PAPPA: variants seen among roughly 807,000 people sequenced by gnomAD.
PAPPA encodes the protein pappalysin 1.
In PAPPA, 60 loss-of-function variants were observed where a neutral mutation model predicts 164.0. The ratio of observed to expected loss-of-function variants is 0.37; its 90% confidence interval spans 0.30 to 0.45. PAPPA has a LOEUF of 0.45. Among genes scored for constraint, PAPPA ranks in the 20% least tolerant of loss-of-function variants. The probability of loss-of-function intolerance (pLI) is 1.00; values close to 1 mark genes in which losing one functional copy is unlikely to be tolerated. For missense variants in PAPPA, 1,782 were observed against 2,087.3 expected (o/e 0.85, Z 2.85); for synonymous variants, 875 against 814.1 (o/e 1.07, Z -1.27).
chr9:116,231,231 G>C (rs1398302967), intron 6 of PAPPA, among the ~76,000 whole-genome samples: 1 of 152,042 alleles, frequency 6.6e-6, no homozygotes, highest in East Asian at 1.9e-4. Context: ...TTTAATCACT[G>C]TATATACAAA....
At chr9:116,282,841 A>G (rs1279302194) in intron 9 of PAPPA, among the ~76,000 whole-genome samples, 1 of 152,228 alleles carries the variant, frequency 6.6e-6, no homozygotes. Context: ...TCTTTTTAAG[A>G]AACACTGTCT....
At chr9:116,179,706 C>G (rs866625633) in intron 1 of PAPPA, among the ~76,000 whole-genome samples, 12 of 152,210 alleles carry the variant, frequency 7.9e-5, no homozygotes, top group Middle Eastern at 3.4e-3. Flanking sequence ...GGTCTCCCCC[C>G]CGACTGAACC....
Position 116,285,171 on chromosome 9 carries a change from C to CTTTTTTTTTTTTTTTTTTTTTTTT in PAPPA, c.2953+13774_2953+13775insTTTTTTTTTTTTTTTTTTTTTTTT. Among the ~76,000 whole-genome samples the CTTTTTTTTTTTTTTTTTTTTTTTT allele has an allele frequency of 3.2e-4, 29 of 89,478 alleles. 1 individual carries two copies. Among genetic ancestry groups the CTTTTTTTTTTTTTTTTTTTTTTTT allele is most frequent in the East Asian group, 7.1e-4 (2 of 2,832 alleles). 58.7% of individuals were successfully genotyped at this position (89,478 alleles called of 152,430 possible). ...CTTTTTCTTTTTCTTTTCTTTCTTT[C>CTTTTTTTTTTTTTTTTTTTTTTTT]TTTTTTTTTTTTTTTTTTTGACAGA... is the stretch of plus-strand genomic sequence containing the variant. On this transcript the variant is annotated intron_variant, in intron 9 of 21. Transcript: ENST00000328252.
At chr9:116,326,685 T>C (rs1311497529) in intron 10 of PAPPA, among the ~76,000 whole-genome samples, 1 of 152,242 alleles carries the variant, frequency 6.6e-6, no homozygotes, top group African/African-American at 2.4e-5. Flanking sequence ...GTCCTAGAAC[T>C]TATTCATCTT....
chr9:116,363,433 C>A (rs561552542), intron 18 of PAPPA, among the ~76,000 whole-genome samples: 1 of 152,106 alleles, frequency 6.6e-6, no homozygotes, highest in Non-Finnish European at 1.5e-5. Flanking sequence ...CAGGCCAGCT[C>A]GAGAAATACA....
chr9:116,190,404 C>T (rs1273692590), intron 2 of PAPPA, among the ~76,000 whole-genome samples: 1 of 152,206 alleles, frequency 6.6e-6, no homozygotes, highest in African/African-American at 2.4e-5. Flanking sequence ...AGTGGATACC[C>T]TTAGCCCTGT....
chr9:116,361,807 C>T lies in PAPPA; in HGVS notation c.4348-785C>T, dbSNP rs76176638. Among the ~76,000 whole-genome samples, 21 of 152,182 alleles carry T rather than the reference C, an allele frequency of 1.4e-4. 1 individual carries two copies. In the South Asian group the frequency reaches 1.7e-3, roughly 12 times the overall value. The stretch of plus-strand genomic sequence containing the variant: ...CTTCTGCACCCCACAGAGCTGGGCA[C>T]AGATTGGACACTAACGAATCTTACT... On this transcript the variant is annotated intron_variant, in intron 17 of 21. Transcript: ENST00000328252.
intron 1 of PAPPA, among the ~76,000 whole-genome samples, chr9:116,174,985 C>A (rs1165155380): frequency 6.6e-6 from 1 of 152,112 alleles, no homozygotes; most frequent in East Asian, 1.9e-4. Context: ...TTTATTTTAC[C>A]ACAGTCATCT....
intron 9 of PAPPA, among the ~76,000 whole-genome samples, chr9:116,277,054 G>T (rs1252550962): frequency 6.6e-6 from 1 of 152,146 alleles, no homozygotes; most frequent in African/African-American, 2.4e-5. Context: ...ACAGTGACTG[G>T]AAAGAAAAAC....
At position 116,188,203 on chromosome 9, in the gene PAPPA, G is replaced by A. The variant is rs1844001438; in HGVS notation, c.1465G>A (p.Asp489Asn). ...TNVTQTCFDP[D>N]SPHRAYLDVN... ...TGTCACTCAGACTTGCTTTGACCCC[G>A]ACTCTCCACACAGGTAAGACCTTAC... The change falls in exon 2 of 22, where the codon GAC (aspartate) becomes AAC (asparagine). Residue 489 changes from aspartate to asparagine, a missense_variant. Transcript: ENST00000328252. 16 of 1,609,468 alleles carry A rather than the reference G, an allele frequency of 9.9e-6. No homozygotes were observed. The highest frequency in any genetic ancestry group is 4.5e-5 in the East Asian group (2 of 44,752).
At chr9:116,304,342 C>T (rs1169172455) in intron 10 of PAPPA, among the ~76,000 whole-genome samples, 1 of 152,162 alleles carries the variant, frequency 6.6e-6, no homozygotes, top group Non-Finnish European at 1.5e-5. Flanking sequence ...ATCCCATTGC[C>T]ACATGCAAAT....
intron 7 of PAPPA, among the ~76,000 whole-genome samples, chr9:116,256,347 G>C (rs1844927616): frequency 1.3e-5 from 2 of 151,670 alleles, no homozygotes; most frequent in Admixed American, 1.3e-4. Context: ...GACAAATAAT[G>C]GAAATTTAAA....
chr9:116,292,859 T>C (rs1845453707), intron 9 of PAPPA, among the ~76,000 whole-genome samples: 1 of 152,078 alleles, frequency 6.6e-6, no homozygotes, highest in Non-Finnish European at 1.5e-5. Context: ...CAGCATTCCA[T>C]GTAGAGTTAG....
intron 7 of PAPPA, among the ~76,000 whole-genome samples, chr9:116,262,095 G>T (rs1198152630): frequency 6.6e-6 from 1 of 151,608 alleles, no homozygotes; most frequent in Non-Finnish European, 1.5e-5. Flanking sequence ...CATGCCTGTA[G>T]TCCCAGCTAC....
intron 2 of PAPPA, among the ~76,000 whole-genome samples, chr9:116,191,383 G>T (rs567819206): frequency 3.9e-5 from 6 of 152,290 alleles, no homozygotes; most frequent in Non-Finnish European, 7.4e-5. Context: ...GTGGCCTTGT[G>T]GTCTTGGGGT....
At chr9:116,355,095 C>T (rs1846335652) in intron 17 of PAPPA, among the ~76,000 whole-genome samples, 1 of 152,226 alleles carries the variant, frequency 6.6e-6, no homozygotes, top group South Asian at 2.1e-4. Flanking sequence ...CTCAGGTTCC[C>T]CCTTCACAAC....
intron 19 of PAPPA, among the ~76,000 whole-genome samples, chr9:116,368,851 G>T (rs180809752): frequency 1.3e-4 from 20 of 152,220 alleles, no homozygotes; most frequent in Admixed American, 4.6e-4. Context: ...CCTGATACTG[G>T]GTGTACTGTT....
At chr9:116,377,477 G>A (rs1846670492) in intron 19 of PAPPA, 99 bp from the exon 20 acceptor site, 1 of 759,472 alleles carries the variant, frequency 1.3e-6, no homozygotes, top group Non-Finnish European at 2.2e-6. Context: ...GGAATTGGAA[G>A]GTCCCAGAAG....
intron 14 of PAPPA, among the ~76,000 whole-genome samples, chr9:116,344,967 T>C (rs1374606941): frequency 6.6e-6 from 1 of 152,220 alleles, no homozygotes; most frequent in Non-Finnish European, 1.5e-5. Flanking sequence ...TTTGTGTAGG[T>C]TGCAAATCTC....
Sources: gnomAD v4.1 joint callset for allele counts (sites outside exome capture counted in the v4.1 genomes callset) on GRCh38, gnomAD v4.1.1 for gene constraint, MANE v1.5 for transcripts, NCBI Gene and HGNC (gene_info 2026-07-23, HGNC 2026-07-21) for gene names.